LRP4: variants seen among roughly 807,000 people sequenced by gnomAD.
LRP4 encodes LDL receptor related protein 4.
In LRP4, 95 loss-of-function variants were observed where a neutral mutation model predicts 220.3. The ratio of observed to expected loss-of-function variants is 0.43; its 90% CI spans 0.37 to 0.51. The LOEUF (loss-of-function observed/expected upper bound fraction) is 0.51, where lower values mean the gene tolerates loss of function less well. Among genes scored for constraint, LRP4 ranks in the 20% least tolerant of loss-of-function variants. The pLI, the probability that LRP4 is intolerant of heterozygous loss-of-function variation, is 0.00. For synonymous variants in LRP4, 903 were observed against 954.6 expected (o/e 0.95, Z 1.00); for missense variants, 1,925 against 2,567.0 (o/e 0.75, Z 5.40).
At chr11:46,913,544 A>T (rs1032869602) in intron 1 of LRP4, among the ~76,000 whole-genome samples, 15 of 152,184 alleles carry the variant, frequency 9.9e-5, no homozygotes, top group African/African-American at 3.4e-4. Context: ...CGAAGGCTCC[A>T]CAACAGCCCA....
rs751631267 is a variant in LRP4 at position 46,859,283 on chromosome 11, C to A, written c.5418G>T (p.Lys1806Asn). Residue 1806 changes from lysine (K) to asparagine (N), a missense_variant, in exon 38 of 38, where the codon AAG becomes AAT. By Grantham distance (94) the Lys-to-Asn change is moderately conservative (BLOSUM62 0). This residue lies in a region of LRP4 where 1,244 missense variants were observed against 1,624.9 expected (regional missense o/e 0.77). Transcript: ENST00000378623. ...GGPDHNYTKEKIKIVEGICLL... is the reference protein window; with the variant it reads ...GGPDHNYTKENIKIVEGICLL... Reference sequence around the variant, plus strand: ...GGCAGATTCCCTCTACGATCTTGATCTTCTCCTTGGTGTAGTTATGGTCAG... The same window carrying A: ...GGCAGATTCCCTCTACGATCTTGATATTCTCCTTGGTGTAGTTATGGTCAG... 1 of 1,613,994 alleles carries A rather than the reference C, an allele frequency of 6.2e-7. No individual in the cohort carries two copies. The highest frequency in any genetic ancestry group is 1.3e-5 in the African/African-American group (1 of 74,880).
At chr11:46,869,512 C>G (rs965655410) in intron 31 of LRP4, among the ~76,000 whole-genome samples, 17 of 152,218 alleles carry the variant, frequency 1.1e-4, no homozygotes, top group African/African-American at 4.1e-4. Context: ...GACTCCCTCT[C>G]TAGCAAATAG....
rs1249988312 is a variant in LRP4, at chr11:46,886,487, T to G, written c.2262A>C (p.Arg754=). 1 of 1,614,172 alleles carries G rather than the reference T, an allele frequency of 6.2e-7. No homozygotes were observed. Among genetic ancestry groups the G allele is most frequent in the Non-Finnish European group, 8.5e-7 (1 of 1,180,032 alleles). The change falls in exon 17 of 38, where the codon CGA becomes CGC. Residue 754 remains arginine (R), a synonymous_variant. Transcript: ENST00000378623. ...ACAGGTCCTCTGTGTCAAAGCTGAT[T>G]CGACGGATGTCCATCCTTCGGGCAA... ...LLFARRMDIR[R]ISFDTEDLSD...
chr11:46,857,225 G>A lies in LRP4; in HGVS notation c.*1758C>T, dbSNP rs1330896013. 15 of 152,296 alleles carry A rather than the reference G, an allele frequency of 9.8e-5. No homozygotes were observed. The highest frequency in any genetic ancestry group is 1.6e-4 in the Non-Finnish European group (11 of 68,070). 9.4% of individuals were successfully genotyped at this position (152,296 alleles called of 1,614,324 possible). The stretch of plus-strand genomic sequence containing the variant: ...CTCACTCCTTTACTGCTTGTTAAGT[G>A]TAATGTGGGGAGGCTCAGAACTGGG... On this transcript the variant is annotated 3_prime_UTR_variant, in exon 38 of 38. Transcript: ENST00000378623.
In LRP4 at chr11:46,873,381, C is replaced by T. The variant is rs1174922081; in HGVS notation, c.4442G>A (p.Arg1481Lys). ...CTGCTGGCCATAAACTTACCCCTTC[C>T]TGGGGAAAACAGCAATGGCCCGGGG... is the stretch of plus-strand genomic sequence containing the variant. ...DEPRAIAVFP[R>K]KGYLFWTDWG... is the part of the protein sequence containing the mutation. The change falls in exon 29 of 38, where the codon AGG (arginine) becomes AAG (lysine). Residue 1481 changes from arginine to lysine, a missense_variant. Coordinates refer to ENST00000378623, the MANE Select transcript of LRP4 (RefSeq NM_002334.4). This position sits in a 1 kb window ranked among gnomAD's most constrained non-coding sequence, Gnocchi z 4.2. 6.2e-7 allele frequency: 1 copy of T among 1,614,172 alleles called. No homozygotes were observed. The highest frequency in any genetic ancestry group is 1.3e-5 in the African/African-American group (1 of 75,052).
At chr11:46,915,140 G>T (rs1032949281) in intron 1 of LRP4, among the ~76,000 whole-genome samples, 1 of 152,148 alleles carries the variant, frequency 6.6e-6, no homozygotes, top group South Asian at 2.1e-4. Flanking sequence ...TCAGTGACAA[G>T]CCAAGTATGT....
intron 1 of LRP4, among the ~76,000 whole-genome samples, chr11:46,904,291 G>T (rs760971083): frequency 6.6e-6 from 1 of 152,074 alleles, no homozygotes; most frequent in Admixed American, 6.6e-5. Flanking sequence ...TTCTCTCTCA[G>T]CTCATCTCCT....
chr11:46,861,129 T>C (rs932931106), intron 37 of LRP4: 7 of 164,464 alleles, frequency 4.3e-5, no homozygotes, highest in Admixed American at 3.9e-4. Flanking sequence ...CTCAAAGATA[T>C]TGGGGAGGGG....
chr11:46,884,526 G>A (rs986003295), intron 18 of LRP4, among the ~76,000 whole-genome samples: 6 of 151,982 alleles, frequency 3.9e-5, no homozygotes, highest in Non-Finnish European at 8.8e-5. Context: ...CACGAGATTA[G>A]GAGATCGAGA....
In LRP4 at chr11:46,873,631, G is replaced by A; in HGVS notation, c.4230-38C>T. ...CCAGTGTTGGATGAGCAACCAGACT[G>A]ACCCAGAATAGAGTAGAACTTTAAC... On this transcript the variant is annotated intron_variant, in intron 28 of 37. Transcript: ENST00000378623. The surrounding 1 kb of genome is among the most constrained non-coding windows in gnomAD (Gnocchi z 4.2). The A allele has an allele frequency of 1.9e-6, 3 of 1,544,902 alleles. No homozygotes were observed. The highest frequency in any genetic ancestry group is 2.7e-6 in the Non-Finnish European group (3 of 1,122,894).
At chr11:46,893,458 A>C (rs1941463840) in intron 12 of LRP4, among the ~76,000 whole-genome samples, 1 of 152,130 alleles carries the variant, frequency 6.6e-6, no homozygotes, top group South Asian at 2.1e-4. Flanking sequence ...GGGTTTGTAA[A>C]TTGTCATCTG....
chr11:46,876,444 G>C (rs964551), intron 25 of LRP4, 22 bp downstream of exon 25: 20 of 1,613,650 alleles, frequency 1.2e-5, no homozygotes, highest in East Asian at 2.2e-5. Flanking sequence ...ACACTACCCA[G>C]TGCGATACAG....
chr11:46,918,429 G>A lies in LRP4; in HGVS notation c.-50C>T. 1 of 1,301,606 alleles carries A rather than the reference G, an allele frequency of 7.7e-7. No homozygotes were observed. The highest frequency in any genetic ancestry group is 9.7e-7 in the Non-Finnish European group (1 of 1,028,430). 80.6% of individuals were successfully genotyped at this position (1,301,606 alleles called of 1,614,324 possible). A position where few individuals can be genotyped will look rare whatever the true frequency, so the allele number is the denominator to read the frequency against. On this transcript the variant is annotated 5_prime_UTR_variant, in exon 1 of 38. Transcript: ENST00000378623. The surrounding 1 kb of genome is among the most constrained non-coding windows in gnomAD (Gnocchi z 6.0). ...GGGTCCCGCCGGCTCCCGCCGGACG[G>A]CGCGGCGGAGAAGCCCGCGGAGGGT...
intron 36 of LRP4, 138 bp from the exon 37 acceptor site, chr11:46,862,885 A>G: frequency 2.7e-6 from 2 of 742,282 alleles, no homozygotes; most frequent in Non-Finnish European, 4.8e-6. Context: ...TGCCCTTAAG[A>G]ATCCCCTCCC....
intron 25 of LRP4, 101 bp downstream of exon 25, chr11:46,876,358 CCTTGTTT>C: frequency 7.4e-7 from 1 of 1,342,976 alleles, no homozygotes; most frequent in East Asian, 2.3e-5. Flanking sequence ...AGGGAGGTCA[CCTTGTTT>C]CTGTGATGCA....
rs889686024 is a variant in LRP4 at position 46,902,800 on chromosome 11, C to T, written c.182G>A (p.Ser61Asn). ...GTACTTACTACATCCATCCTCATCG[C>T]TGTGGTCCCCGCAGTCATTGTCTCC... ...CDGDNDCGDH[S>N]DEDGCILPTC... Residue 61 changes from serine (S) to asparagine (N), a missense_variant, in exon 2 of 38, where the codon AGC (serine) becomes AAC (asparagine). Physicochemically the swap from Ser to Asn is conservative, Grantham distance 46. This residue lies in a region of LRP4 where 412 missense variants were observed against 505.4 expected (regional missense o/e 0.82). Transcript: ENST00000378623. 2 of 1,614,026 alleles carry T rather than the reference C, an allele frequency of 1.2e-6. No individual in the cohort carries two copies. The highest frequency in any genetic ancestry group is 1.3e-5 in the African/African-American group (1 of 74,954).
intron 31 of LRP4, among the ~76,000 whole-genome samples, chr11:46,869,835 G>A (rs905129924): frequency 5.9e-5 from 9 of 152,184 alleles, no homozygotes; most frequent in African/African-American, 2.2e-4. Context: ...TAGGCCAGGT[G>A]CGGTGGCTCA....
At chr11:46,911,390 T>TC (rs1444197329) in intron 1 of LRP4, among the ~76,000 whole-genome samples, 2 of 151,926 alleles carry the variant, frequency 1.3e-5, no homozygotes, top group Non-Finnish European at 2.9e-5. Context: ...TGCTTTCCCT[T>TC]CCCCCTACAT....
chr11:46,859,367 A>T, intron 37 of LRP4, 52 bp from the exon 38 acceptor site: 1 of 1,359,702 alleles, frequency 7.4e-7, no homozygotes, highest in South Asian at 1.2e-5. Flanking sequence ...TCTACAAAGG[A>T]TCCCATGGTA....
Sources: allele counts gnomAD v4.1 joint callset (sites outside exome capture counted in the v4.1 genomes callset), GRCh38; gene constraint gnomAD v4.1.1; regional missense constraint gnomAD v4.1.1; non-coding constraint Gnocchi (gnomAD v3.1); transcripts MANE v1.5; gene names NCBI Gene and HGNC (gene_info 2026-07-23, HGNC 2026-07-21).